The following GTPBP2 variants were observed in gnomAD, a reference collection of about 807,000 sequenced individuals.
GTPBP2 encodes GTP binding protein 2, also known as GTP-binding protein 2.
In GTPBP2, 32 loss-of-function variants were observed where a neutral mutation model predicts 63.0. The observed-to-expected ratio is 0.51, with a 90% CI of 0.38 to 0.68. GTPBP2 has a LOEUF of 0.68. GTPBP2 is among the 30% of genes least tolerant of loss of function. The pLI, the probability that GTPBP2 is intolerant of heterozygous loss-of-function variation, is 0.00. For synonymous variants in GTPBP2, 310 were observed against 322.6 expected (o/e 0.96, Z 0.42); for missense variants, 492 against 796.9 (o/e 0.62, Z 4.61).
upstream of GTPBP2, among the ~76,000 whole-genome samples, chr6:43,631,225 T>C (rs910289293): frequency 2.6e-5 from 4 of 152,226 alleles, no homozygotes; most frequent in Non-Finnish European, 4.4e-5. Flanking sequence ...TGACTTTTCT[T>C]AGTCCTGTGC....
rs1490429684 is a variant in GTPBP2, at chr6:43,623,165, T to A, written c.1296-361A>T. 1.4e-5 allele frequency: 3 copies of A among 207,444 alleles called. No individual in the cohort carries two copies. In the South Asian group the frequency reaches 3.1e-4, roughly 22 times the overall value. The allele number at this position is 207,444 out of a possible 1,614,324, so 12.9% of individuals were successfully genotyped here. A position where few individuals can be genotyped will look rare whatever the true frequency, so the allele number is the denominator to read the frequency against. ...TAGCACTTGGGGAGGCTGAGGCAGGTGGATCACTTGAGGTCAGGAATTCAA... is the reference window on the plus strand; with the variant it reads ...TAGCACTTGGGGAGGCTGAGGCAGGAGGATCACTTGAGGTCAGGAATTCAA... On this transcript the variant is annotated intron_variant, in intron 9 of 11. Transcript: ENST00000307126.
chr6:43,624,789 G>A lies in GTPBP2; in HGVS notation c.881-60C>T. On this transcript the variant is annotated intron_variant, in intron 6 of 11. Transcript: ENST00000307126. The surrounding 1 kb of genome is among the most constrained non-coding windows in gnomAD (Gnocchi z 5.1). Reference sequence around the variant, plus strand: ...GAGTGAGAATGCAGGAGGGAGGAGAGGGAAGAAGAGGAGCATTGGTCTGTC... The same window carrying A: ...GAGTGAGAATGCAGGAGGGAGGAGAAGGAAGAAGAGGAGCATTGGTCTGTC... The A allele has an allele frequency of 6.3e-7, 1 of 1,583,980 alleles. No homozygotes were observed. The highest frequency in any genetic ancestry group is 1.1e-5 in the South Asian group (1 of 90,426).
rs766827821 is a variant in GTPBP2, at chr6:43,622,643, A to C, written c.1457T>G (p.Leu486Arg). The C allele has an allele frequency of 6.2e-7, 1 of 1,611,868 alleles. No individual in the cohort carries two copies. Among genetic ancestry groups the C allele is most frequent in the East Asian group, 2.2e-5 (1 of 44,784 alleles). ...ATGCACCCACCTCACCTTGCGAAGC[A>C]GTGCACGGTCAAAGTCCCCAAGCGC... ...TLALGDFDRA[L>R]LRKGMVMVSP... The change falls in exon 10 of 12, where the codon CTG becomes CGG. Residue 486 changes from leucine (L) to arginine (R), a missense_variant. Leu to Arg is a moderately radical substitution (Grantham distance 102, BLOSUM62 -2). Around this residue, in one of 2 missense-constraint regions of GTPBP2, gnomAD observed 400 missense variants for 710.8 expected, o/e 0.56. Transcript: ENST00000307126. This position sits in a 1 kb window ranked among gnomAD's most constrained non-coding sequence, Gnocchi z 5.4.
chr6:43,627,878 T>C (rs573506373), intron 1 of GTPBP2, among the ~76,000 whole-genome samples: 2 of 151,614 alleles, frequency 1.3e-5, no homozygotes, highest in East Asian at 1.9e-4. Flanking sequence ...TTATTTTTTT[T>C]CCCCATCAAT....
upstream of GTPBP2, among the ~76,000 whole-genome samples, chr6:43,630,895 C>T (rs556269048): frequency 7.6e-5 from 9 of 118,716 alleles, no homozygotes; most frequent in Non-Finnish European, 9.5e-5. Flanking sequence ...GGTGACAGAA[C>T]GAGACTTCGT....
chr6:43,627,850 C>T (rs1246562132), intron 1 of GTPBP2, among the ~76,000 whole-genome samples: 2 of 152,200 alleles, frequency 1.3e-5, no homozygotes, highest in Non-Finnish European at 2.9e-5. Flanking sequence ...ATCTCCACTT[C>T]ATGGTGTGTT....
At chr6:43,629,469 G>C (rs1031927099), upstream of GTPBP2, 1 of 569,398 alleles carries the variant, frequency 1.8e-6, no homozygotes, top group African/African-American at 1.9e-5. Context: ...AGCGCGCCTT[G>C]GCGCGCAAAG....
chr6:43,628,908 C>T (rs760328465), intron 1 of GTPBP2, 69 bp downstream of exon 1: 27 of 1,501,522 alleles, frequency 1.8e-5, no homozygotes, highest in Admixed American at 5.0e-5. Flanking sequence ...TTATCTGGGT[C>T]CCGCCTCCCT....
In GTPBP2 at chr6:43,620,970, G is replaced by A. The variant is rs530455578; in HGVS notation, c.*644C>T. 6 of 176,528 alleles carry A rather than the reference G, an allele frequency of 3.4e-5. No homozygotes were observed. Among genetic ancestry groups the A allele is most frequent in the Admixed American group, 5.4e-5 (1 of 18,368 alleles). The allele number at this position is 176,528 out of a possible 1,614,324, so 10.9% of individuals were successfully genotyped here. ...ATAGCACCTGTGGGGCCTATAAGCC[G>A]GGAGGGGATGGGGGAGATAGGGACT... On this transcript the variant is annotated 3_prime_UTR_variant, in exon 12 of 12. Transcript: ENST00000307126.
At position 43,628,635 on chromosome 6, in the gene GTPBP2, G is replaced by A. The variant is rs1329350543; in HGVS notation, c.186+342C>T. 1.0e-5 allele frequency: 7 copies of A among 673,062 alleles called. No individual in the cohort carries two copies. In the African/African-American group the frequency reaches 1.2e-4, roughly 11 times the overall value. The allele number at this position is 673,062 out of a possible 1,614,324, so 41.7% of individuals were successfully genotyped here. Reference sequence around the variant, plus strand: ...AAGTGGTGGTTACTGTCTGCCTCTCGTCCCAGGATGCAGTCTCTCTTGCCC... The same window carrying A: ...AAGTGGTGGTTACTGTCTGCCTCTCATCCCAGGATGCAGTCTCTCTTGCCC... On this transcript the variant is annotated intron_variant, in intron 1 of 11. Transcript: ENST00000307126.
At position 43,626,555 on chromosome 6, in the gene GTPBP2, A is replaced by G; in HGVS notation, c.214-145T>C. 3 of 646,034 alleles carry G rather than the reference A, an allele frequency of 4.6e-6. No homozygotes were observed. In the South Asian group the frequency reaches 5.7e-5, roughly 12 times the overall value. The allele number at this position is 646,034 out of a possible 1,614,324, so 40.0% of individuals were successfully genotyped here. ...ATCCCCCTCCAACAGAACGAGGTAC[A>G]GAGCCCTTAACCTGAACCATATCCT... On this transcript the variant is annotated intron_variant, in intron 2 of 11. Transcript: ENST00000307126. This position sits in a 1 kb window ranked among gnomAD's most constrained non-coding sequence, Gnocchi z 4.0.
Position 43,625,954 on chromosome 6 carries a change from A to C in GTPBP2, c.399-90T>G, listed in dbSNP as rs891594594. 3.0e-6 allele frequency: 3 copies of C among 989,540 alleles called. No individual in the cohort carries two copies. The highest frequency in any genetic ancestry group is 3.2e-5 in the African/African-American group (2 of 63,102). 61.3% of individuals were successfully genotyped at this position (989,540 alleles called of 1,614,324 possible). On this transcript the variant is annotated intron_variant, in intron 3 of 11. Coordinates refer to ENST00000307126, the MANE Select transcript of GTPBP2 (RefSeq NM_019096.5). The surrounding 1 kb of genome is among the most constrained non-coding windows in gnomAD (Gnocchi z 5.1). ...GACCTACAGACTTCCTGCACCTCCC[A>C]CAGAGCTCCCAATACCTTAGTGCAC...
chr6:43,629,626 G>C, upstream of GTPBP2: 1 of 1,008,184 alleles, frequency 9.9e-7, no homozygotes. Flanking sequence ...CTTTGTGGGC[G>C]CTCCGGGATT....
chr6:43,621,535 G>T lies in GTPBP2; in HGVS notation c.*79C>A, dbSNP rs773659973. 1 of 1,607,740 alleles carries T rather than the reference G, an allele frequency of 6.2e-7. No individual in the cohort carries two copies. The highest frequency in any genetic ancestry group is 1.1e-5 in the South Asian group (1 of 89,948). On this transcript the variant is annotated 3_prime_UTR_variant, in exon 12 of 12. Coordinates refer to ENST00000307126, the MANE Select transcript of GTPBP2 (RefSeq NM_019096.5). ...CCCTAGCCTATTAACACACAGAGCC[G>T]CCAATGGCAGGGCAGCATGGCCAGA...
At position 43,622,649 on chromosome 6, in the gene GTPBP2, C is replaced by T. The variant is rs765762316; in HGVS notation, c.1451G>A (p.Arg484His). 3 of 1,612,910 alleles carry T rather than the reference C, an allele frequency of 1.9e-6. No homozygotes were observed. Among genetic ancestry groups the T allele is most frequent in the Non-Finnish European group, 2.5e-6 (3 of 1,179,006 alleles). ...AATLALGDFDRALLRKGMVMV... is the reference protein window; with the variant it reads ...AATLALGDFDHALLRKGMVMV... ...CCACCTCACCTTGCGAAGCAGTGCA[C>T]GGTCAAAGTCCCCAAGCGCCAGTGT... The change falls in exon 10 of 12, where the codon CGT becomes CAT. Residue 484 changes from arginine (R) to histidine (H), a missense_variant. By Grantham distance (29) the Arg-to-His change is conservative. Coordinates refer to ENST00000307126, the MANE Select transcript of GTPBP2 (RefSeq NM_019096.5). This position sits in a 1 kb window ranked among gnomAD's most constrained non-coding sequence, Gnocchi z 5.4.
rs1768852185 is a variant in GTPBP2, at chr6:43,622,505, G to A, written c.1467+128C>T. 1 of 891,730 alleles carries A rather than the reference G, an allele frequency of 1.1e-6. No homozygotes were observed. Among genetic ancestry groups the A allele is most frequent in the African/African-American group, 1.7e-5 (1 of 59,424 alleles). 55.2% of individuals were successfully genotyped at this position (891,730 alleles called of 1,614,324 possible). On this transcript the variant is annotated intron_variant, in intron 10 of 11. Coordinates refer to ENST00000307126, the MANE Select transcript of GTPBP2 (RefSeq NM_019096.5). This position sits in a 1 kb window ranked among gnomAD's most constrained non-coding sequence, Gnocchi z 5.4. ...TATAGTCTACGTAGCTAGACCAGAA[G>A]CTTCTTGGGTCAGAGAGTGTGTTTC...
chr6:43,624,384 T>G lies in GTPBP2; in HGVS notation c.1100+126A>C. On this transcript the variant is annotated intron_variant, in intron 7 of 11. Transcript: ENST00000307126. The surrounding 1 kb of genome is among the most constrained non-coding windows in gnomAD (Gnocchi z 5.1). ...AAGATGCCCCTCCACAATCCCAAGC[T>G]GAAACACCCGCAGAACTAAGCCAGA... The G allele has an allele frequency of 1.3e-6, 1 of 742,176 alleles. No homozygotes were observed. The highest frequency in any genetic ancestry group is 2.3e-6 in the Non-Finnish European group (1 of 441,476). The allele number at this position is 742,176 out of a possible 1,614,324, so 46.0% of individuals were successfully genotyped here. A position where few individuals can be genotyped will look rare whatever the true frequency, so the allele number is the denominator to read the frequency against.
chr6:43,623,027 C>A, intron 9 of GTPBP2: 1 of 546,484 alleles, frequency 1.8e-6, no homozygotes. Context: ...GAGACACTTG[C>A]TGGTTTAACA....
Position 43,622,963 on chromosome 6 carries a change from A to C in GTPBP2, c.1296-159T>G, listed in dbSNP as rs1768911274. The stretch of plus-strand genomic sequence containing the variant: ...TGGATGTAACAGGGCTCACTGCCAG[A>C]GTTCAGAATCAGAAGACTAATTTCA... On this transcript the variant is annotated intron_variant, in intron 9 of 11. Coordinates refer to ENST00000307126, the MANE Select transcript of GTPBP2 (RefSeq NM_019096.5). This position sits in a 1 kb window ranked among gnomAD's most constrained non-coding sequence, Gnocchi z 5.4. 3.4e-6 allele frequency: 2 copies of C among 596,714 alleles called. No individual in the cohort carries two copies. The highest frequency in any genetic ancestry group is 2.8e-5 in the East Asian group (1 of 35,720). The allele number at this position is 596,714 out of a possible 1,614,324, so 37.0% of individuals were successfully genotyped here.
Sources: allele counts gnomAD v4.1 joint callset (sites outside exome capture counted in the v4.1 genomes callset), GRCh38; gene constraint gnomAD v4.1.1; regional missense constraint gnomAD v4.1.1; non-coding constraint Gnocchi (gnomAD v3.1); transcripts MANE v1.5; gene names NCBI Gene and HGNC (gene_info 2026-07-23, HGNC 2026-07-21).